PAH: variants seen among roughly 807,000 people sequenced by gnomAD.
PAH encodes phenylalanine-4-hydroxylase.
In PAH, 64 loss-of-function variants were observed where a neutral mutation model predicts 62.0. That is an observed-to-expected ratio of 1.03 (90% CI 0.84 to 1.27). The LOEUF (loss-of-function observed/expected upper bound fraction) is 1.27. Among genes scored for constraint, PAH ranks in the 50% most tolerant of loss-of-function variants. The pLI, the probability that PAH is intolerant of heterozygous loss-of-function variation, is 0.00. For synonymous variants in PAH, 195 were observed against 196.2 expected (o/e 0.99, Z 0.05); for missense variants, 579 against 542.8 (o/e 1.07, Z -0.66).
At position 102,852,003 on chromosome 12, in the gene PAH, G is replaced by C. The variant is rs563302636; in HGVS notation, c.843-247C>G. 3 of 509,890 alleles carry C rather than the reference G, an allele frequency of 5.9e-6. No individual in the cohort carries two copies. The South Asian group carries it at 6.3e-5, about 11-fold the overall frequency. The allele number at this position is 509,890 out of a possible 1,614,324, so 31.6% of individuals were successfully genotyped here. ...AGGGCACAGCAGCCAAGGGTCTTAA[G>C]AGTATCCCCAGTGGGGTACCAGGCA... On this transcript the variant is annotated intron_variant, in intron 7 of 12. Transcript: ENST00000553106.
intron 4 of PAH, among the ~76,000 whole-genome samples, chr12:102,871,922 C>CAAA (rs1168829038): frequency 3.1e-4 from 36 of 115,470 alleles, no homozygotes; most frequent in African/African-American, 1.2e-3. Context: ...AACTCTGCCT[C>CAAA]AAAAAAAAAA....
chr12:102,951,372 G>T (rs1879756178), upstream of PAH, among the ~76,000 whole-genome samples: 1 of 152,088 alleles, frequency 6.6e-6, no homozygotes, highest in African/African-American at 2.4e-5. Context: ...AGTTGTTGGG[G>T]GTCTATCTGG....
intron 8 of PAH, among the ~76,000 whole-genome samples, chr12:102,850,630 T>C (rs1250549893): frequency 1.3e-5 from 2 of 152,158 alleles, no homozygotes; most frequent in Non-Finnish European, 2.9e-5. Context: ...ACAGGGTGGC[T>C]GATAATGTAA....
chr12:102,897,671 A>G (rs1319953670), intron 2 of PAH, among the ~76,000 whole-genome samples: 3 of 152,130 alleles, frequency 2.0e-5, no homozygotes, highest in East Asian at 3.9e-4. Flanking sequence ...AAAGGCAATA[A>G]CTGCCTGAGT....
At chr12:102,918,573 T>TGC (rs1878476217), upstream of PAH, among the ~76,000 whole-genome samples, 1 of 122,898 alleles carries the variant, frequency 8.1e-6, no homozygotes, top group Admixed American at 8.5e-5. Flanking sequence ...TTTTTTTGTT[T>TGC]TTTTTTTTTG....
intron 6 of PAH, among the ~76,000 whole-genome samples, chr12:102,853,971 C>A (rs1404841609): frequency 1.3e-5 from 2 of 152,292 alleles, no homozygotes; most frequent in East Asian, 1.9e-4. Context: ...AGTCTGTTCT[C>A]TTAATTACTA....
At chr12:102,910,522 C>A (rs1031016596) in intron 2 of PAH, among the ~76,000 whole-genome samples, 2 of 152,102 alleles carry the variant, frequency 1.3e-5, no homozygotes, top group East Asian at 1.9e-4. Flanking sequence ...AGGCACCCAC[C>A]ACCACGCCGG....
intron 4 of PAH, among the ~76,000 whole-genome samples, chr12:102,871,726 C>A (rs1876323789): frequency 6.6e-6 from 1 of 151,780 alleles, no homozygotes; most frequent in Non-Finnish European, 1.5e-5. Context: ...AGTTCAAGAC[C>A]AGCCTGGCCC....
At chr12:102,898,362 G>C (rs901311125) in intron 2 of PAH, among the ~76,000 whole-genome samples, 1 of 152,122 alleles carries the variant, frequency 6.6e-6, no homozygotes, top group Admixed American at 6.5e-5. Context: ...GATTTCCTTA[G>C]TAATGCTATT....
At chr12:102,904,100 G>C (rs1351176998) in intron 2 of PAH, among the ~76,000 whole-genome samples, 1 of 152,090 alleles carries the variant, frequency 6.6e-6, no homozygotes, top group Non-Finnish European at 1.5e-5. Context: ...TAAGGGTTTT[G>C]GTATACTCCT....
chr12:102,955,240 T>C (rs1296138889), upstream of PAH, among the ~76,000 whole-genome samples: 2 of 152,202 alleles, frequency 1.3e-5, no homozygotes, highest in Non-Finnish European at 2.9e-5. Context: ...TTCCCTGGTA[T>C]TGAGATCTCT....
rs63102461 is a variant in PAH at position 102,866,595 on chromosome 12, C to T, written c.509+1G>A. 6.2e-7 allele frequency: 1 copy of T among 1,612,324 alleles called. No homozygotes were observed. Among genetic ancestry groups the T allele is most frequent in the Non-Finnish European group, 8.5e-7 (1 of 1,178,458 alleles). ...CCCCTCAACAAGCAAGGCAGACTTA[C>T]TGGCGGTAGTTGTAGGCAATGTCAG... On this transcript the variant is annotated splice_donor_variant, in intron 5 of 12. Transcript: ENST00000553106. LOFTEE classifies it high-confidence loss of function.
intron 1 of PAH, among the ~76,000 whole-genome samples, chr12:102,942,933 C>G (rs563947510): frequency 1.3e-5 from 2 of 151,758 alleles, no homozygotes; most frequent in African/African-American, 4.8e-5. Flanking sequence ...ATTAAAAGAC[C>G]TAAAACTTTA....
intron 1 of PAH, among the ~76,000 whole-genome samples, chr12:102,932,620 T>C (rs1592997698): frequency 6.6e-6 from 1 of 152,206 alleles, no homozygotes. Flanking sequence ...TAAGCAGCTT[T>C]GGTACCACCA....
At chr12:102,903,327 C>G (rs924397380) in intron 2 of PAH, among the ~76,000 whole-genome samples, 2 of 150,674 alleles carry the variant, frequency 1.3e-5, no homozygotes, top group African/African-American at 4.9e-5. Flanking sequence ...TACCAATGCA[C>G]TGTAGCCTGG....
chr12:102,928,358 GA>G (rs1299873483), intron 1 of PAH, among the ~76,000 whole-genome samples: 1 of 152,172 alleles, frequency 6.6e-6, no homozygotes, highest in African/African-American at 2.4e-5. Flanking sequence ...ACTGTTGACT[GA>G]TAGGTTTTTA....
intron 6 of PAH, among the ~76,000 whole-genome samples, chr12:102,854,199 T>G (rs1875304049): frequency 6.6e-6 from 1 of 152,156 alleles, no homozygotes; most frequent in Admixed American, 6.6e-5. Flanking sequence ...AAAGGTCATC[T>G]AACTCACCCC....
At chr12:102,914,446 AACTT>A (rs1878311016) in intron 1 of PAH, 1 of 152,510 alleles carries the variant, frequency 6.6e-6, no homozygotes, top group African/African-American at 2.4e-5. Context: ...GAGGTTAAGG[AACTT>A]GCCTATAGTT....
chr12:102,891,930 C>G (rs922572397), intron 3 of PAH, among the ~76,000 whole-genome samples: 32 of 152,348 alleles, frequency 2.1e-4, no homozygotes, highest in African/African-American at 7.7e-4. Context: ...GCCCCAGGAT[C>G]TGGCAGGCCC....
Sources: gnomAD v4.1 joint callset for allele counts (sites outside exome capture counted in the v4.1 genomes callset) on GRCh38, gnomAD v4.1.1 for gene constraint, MANE v1.5 for transcripts, NCBI Gene and HGNC (gene_info 2026-07-23, HGNC 2026-07-21) for gene names.